CFAP44: variants seen among roughly 807,000 people sequenced by gnomAD.
The protein encoded by CFAP44 is cilia and flagella associated protein 44.
Under a neutral mutation model 216.2 loss-of-function variants are expected in CFAP44, and 134 were observed. The ratio of observed to expected loss-of-function variants is 0.62; its 90% confidence interval spans 0.54 to 0.72. The LOEUF (loss-of-function observed/expected upper bound fraction) is 0.72, where lower values mean the gene tolerates loss of function less well. CFAP44 is among the 30% of genes least tolerant of loss of function. The pLI is 0.00. For missense variants in CFAP44, 2,035 were observed against 2,182.1 expected (o/e 0.93, Z 1.34); for synonymous variants, 700 against 727.6 (o/e 0.96, Z 0.61).
rs1441727647 is a variant in CFAP44, at chr3:113,330,445, T to A, written c.3839A>T (p.Lys1280Met). 1 of 1,537,330 alleles carries A rather than the reference T, an allele frequency of 6.5e-7. No individual in the cohort carries two copies. The highest frequency in any genetic ancestry group is 1.2e-5 in the South Asian group (1 of 84,060). The change falls in exon 26 of 35, where the codon AAG becomes ATG. Residue 1280 changes from lysine (K) to methionine (M), a missense_variant. Transcript: ENST00000393845. ...QYDEETLLNFKQQQMKSKDEK... is the reference protein window; with the variant it reads ...QYDEETLLNFMQQQMKSKDEK... The stretch of plus-strand genomic sequence containing the variant: ...ATCTTTACTTTTCATTTGCTGTTGC[T>A]TAAAATTTAGGAGAGTTTCTTCATC...
chr3:113,441,334 G>T (rs543356297), intron 1 of CFAP44, 119 bp downstream of exon 1: 11 of 961,792 alleles, frequency 1.1e-5, no homozygotes, highest in African/African-American at 1.8e-5. Context: ...CCGCAGGGAG[G>T]ACGAAGGCTA....
At chr3:113,355,793 A>T (rs116542883) in intron 22 of CFAP44, among the ~76,000 whole-genome samples, 1 of 152,000 alleles carries the variant, frequency 6.6e-6, no homozygotes, top group African/African-American at 2.4e-5. Context: ...TACAAAAAAA[A>T]TTTAAGTATA....
intron 22 of CFAP44, among the ~76,000 whole-genome samples, chr3:113,356,421 G>A (rs1289324066): frequency 1.3e-5 from 2 of 152,004 alleles, no homozygotes; most frequent in African/African-American, 4.8e-5. Flanking sequence ...TGGAGATGAA[G>A]AACAAAGCTG....
intron 24 of CFAP44, among the ~76,000 whole-genome samples, chr3:113,336,616 C>A (rs1950283822): frequency 6.8e-6 from 1 of 146,674 alleles, no homozygotes; most frequent in South Asian, 2.3e-4. Context: ...TGACAAATTC[C>A]TTAGTAAAGC....
chr3:113,409,138 C>G lies in CFAP44; in HGVS notation c.858G>C (p.Glu286Asp), dbSNP rs1267822392. ...GGCCTGATCCCGATGTAGTAAGCTG[C>G]TCTTCCTTATCAGGATTGAAAGTAA... Reference protein sequence around the residue: ...FKVTFNPDKEEQLTTSGSGHI... With the variant: ...FKVTFNPDKEDQLTTSGSGHI... Residue 286 changes from glutamate (E) to aspartate (D), a missense_variant, in exon 7 of 35, where the codon GAG becomes GAC. By Grantham distance (45) the Glu-to-Asp change is conservative (BLOSUM62 2). Coordinates refer to ENST00000393845, the MANE Select transcript of CFAP44 (RefSeq NM_001164496.2). 3 of 1,613,842 alleles carry G rather than the reference C, an allele frequency of 1.9e-6. No homozygotes were observed. Among genetic ancestry groups the G allele is most frequent in the African/African-American group, 1.3e-5 (1 of 74,962 alleles).
At chr3:113,308,118 T>C (rs746894709) in intron 29 of CFAP44, 40 bp downstream of exon 29, 74 of 1,460,164 alleles carry the variant, frequency 5.1e-5, no homozygotes, top group Non-Finnish European at 6.3e-5. Context: ...CCAATCAATA[T>C]TCACACTTCA....
intron 25 of CFAP44, among the ~76,000 whole-genome samples, chr3:113,331,894 AC>A (rs1950244414): frequency 6.6e-6 from 1 of 152,142 alleles, no homozygotes; most frequent in South Asian, 2.1e-4. Context: ...CATTAAATTA[AC>A]CCTATGAGGT....
rs1261550743 is a variant in CFAP44 at position 113,373,410 on chromosome 3, C to T, written c.2444+1G>A. 1 of 1,556,558 alleles carries T rather than the reference C, an allele frequency of 6.4e-7. No individual in the cohort carries two copies. The highest frequency in any genetic ancestry group is 1.8e-5 in the Admixed American group (1 of 54,144). On this transcript the variant is annotated splice_donor_variant, in intron 18 of 34. Coordinates refer to ENST00000393845, the MANE Select transcript of CFAP44 (RefSeq NM_001164496.2). LOFTEE classifies it high-confidence loss of function. The stretch of plus-strand genomic sequence containing the variant: ...TTAAAGCTTTTTGAAATACTGCTCA[C>T]TTGAAAGTGATAGTTTGGATGGGAT...
rs537856245 is a variant in CFAP44 at position 113,354,859 on chromosome 3, CTGGCTGGAGGCCAACCA to C, written c.3065+3869_3065+3885del. On this transcript the variant is annotated intron_variant, in intron 22 of 34. Coordinates refer to ENST00000393845, the MANE Select transcript of CFAP44 (RefSeq NM_001164496.2). ...GATGGGCTCTTGAAAGCACCACCTC[CTGGCTGGAGGCCAACCA>C]ACACAAAACGAGCACACTAAACAAA... is the stretch of plus-strand genomic sequence containing the variant. 2.6e-3 allele frequency among the ~76,000 whole-genome samples: 399 copies of C among 152,316 alleles called. 1 individual carries two copies. Among genetic ancestry groups the C allele is most frequent in the African/African-American group, 9.1e-3 (378 of 41,570 alleles).
At chr3:113,292,642 G>A (rs868007666) in intron 34 of CFAP44, among the ~76,000 whole-genome samples, 2 of 152,158 alleles carry the variant, frequency 1.3e-5, no homozygotes, top group South Asian at 2.1e-4. Flanking sequence ...GAGACTCAGG[G>A]AGTCATTAAC....
intron 8 of CFAP44, among the ~76,000 whole-genome samples, chr3:113,404,741 A>C (rs771920227): frequency 2.6e-5 from 4 of 152,172 alleles, no homozygotes; most frequent in Non-Finnish European, 5.9e-5. Context: ...CCCGCAAAGG[A>C]ACCATATGGG....
chr3:113,395,846 A>C lies in CFAP44; in HGVS notation c.1794T>G (p.Thr598=). 6.2e-7 allele frequency: 1 copy of C among 1,613,424 alleles called. No individual in the cohort carries two copies. Among genetic ancestry groups the C allele is most frequent in the South Asian group, 1.1e-5 (1 of 90,996 alleles). The change falls in exon 15 of 35, where the codon ACT becomes ACG. Residue 598 remains threonine (T), a synonymous_variant. Transcript: ENST00000393845. ...EILATGSKDQ[T]VFFFEVERDY... ...CCCTTTCCACTTCAAAGAAGAAAACAGTTTGATCTTTACTCTAAGGAAAAA... is the reference window on the plus strand; with the variant it reads ...CCCTTTCCACTTCAAAGAAGAAAACCGTTTGATCTTTACTCTAAGGAAAAA...
At chr3:113,416,717 A>T in intron 5 of CFAP44, 90 bp from the exon 6 acceptor site, 1 of 917,628 alleles carries the variant, frequency 1.1e-6, no homozygotes, top group East Asian at 2.8e-5. Flanking sequence ...CCATTATTTC[A>T]TAATTTATTA....
chr3:113,373,680 C>T (rs1336663989), intron 17 of CFAP44, 124 bp from the exon 18 acceptor site: 17 of 769,110 alleles, frequency 2.2e-5, no homozygotes, highest in Non-Finnish European at 3.2e-5. Context: ...TCTACTTCTA[C>T]ATAATTTCTA....
intron 6 of CFAP44, among the ~76,000 whole-genome samples, chr3:113,411,019 G>A (rs1283073583): frequency 1.3e-5 from 2 of 152,008 alleles, no homozygotes; most frequent in African/African-American, 4.8e-5. Context: ...AAATTTGTTT[G>A]AGTTCTTTGG....
intron 17 of CFAP44, among the ~76,000 whole-genome samples, chr3:113,374,635 T>C (rs2107328397): frequency 6.6e-6 from 1 of 152,208 alleles, no homozygotes; most frequent in South Asian, 2.1e-4. Flanking sequence ...CAAGTGTCTA[T>C]TTTTGTGTGT....
rs1284152393 is a variant in CFAP44, at chr3:113,344,665, A to G, written c.3113T>C (p.Leu1038Pro). 5.9e-6 allele frequency: 9 copies of G among 1,535,196 alleles called. No individual in the cohort carries two copies. Among genetic ancestry groups the G allele is most frequent in the Non-Finnish European group, 7.9e-6 (9 of 1,146,438 alleles). ...ESDTIVVHAI[L>P]SDHKISSYRL... ...GTAAGAGGATATCTTGTGGTCACTC[A>G]GTATGGCATGAACCACAATAGTATC... The change falls in exon 23 of 35, where the codon CTG becomes CCG. Residue 1038 changes from leucine (L) to proline (P), a missense_variant. This residue lies in a region of CFAP44 where 1,883 missense variants were observed against 2,023.7 expected (regional missense o/e 0.93). Transcript: ENST00000393845.
At chr3:113,321,358 G>A (rs573964603) in intron 28 of CFAP44, among the ~76,000 whole-genome samples, 2 of 152,312 alleles carry the variant, frequency 1.3e-5, no homozygotes, top group South Asian at 2.1e-4. Context: ...ACTAGGCATT[G>A]AGGAAACATA....
intron 28 of CFAP44, among the ~76,000 whole-genome samples, chr3:113,311,975 G>A (rs1227588340): frequency 1.3e-5 from 2 of 152,060 alleles, no homozygotes; most frequent in Non-Finnish European, 2.9e-5. Context: ...ATGATTTAAG[G>A]TGTCTGGCGG....
Sources: allele counts gnomAD v4.1 joint callset (sites outside exome capture counted in the v4.1 genomes callset), GRCh38; gene constraint gnomAD v4.1.1; regional missense constraint gnomAD v4.1.1; transcripts MANE v1.5; gene names NCBI Gene and HGNC (gene_info 2026-07-23, HGNC 2026-07-21).